Variants in HPS3 observed in about 807,000 individuals in gnomAD.
HPS3 encodes BLOC-2 complex member HPS3.
Under a neutral mutation model 110.9 loss-of-function variants are expected in HPS3, and 79 were observed. The ratio of observed to expected loss-of-function variants is 0.71; its 90% CI spans 0.59 to 0.86. The LOEUF (loss-of-function observed/expected upper bound fraction) is 0.86. Among genes scored for constraint, HPS3 ranks in the 40% least tolerant of loss-of-function variants. The pLI, the probability that HPS3 is intolerant of heterozygous loss-of-function variation, is 0.00. For synonymous variants in HPS3, 428 were observed against 451.0 expected (o/e 0.95, Z 0.65); for missense variants, 1,197 against 1,206.2 (o/e 0.99, Z 0.11).
chr3:149,150,556 T>G (rs1723036967), intron 5 of HPS3, 43 bp from the exon 6 acceptor site: 2 of 1,538,104 alleles, frequency 1.3e-6, no homozygotes, highest in Admixed American at 1.7e-5. Context: ...GTATGTTGGT[T>G]CTTGGCCTCA....
Position 149,140,225 on chromosome 3 carries a change from G to C in HPS3, c.439G>C (p.Asp147His), listed in dbSNP as rs756254897. ...CATTTCCTGTTGCCCTGTGAAAGGA[G>C]ACCTTCTCGTTGGCTGCACAAATAA... is the stretch of plus-strand genomic sequence containing the variant. ...LCISCCPVKG[D>H]LLVGCTNKLV... Residue 147 changes from aspartate to histidine, a missense_variant, in exon 2 of 17, where the codon GAC becomes CAC. Coordinates refer to ENST00000296051, the MANE Select transcript of HPS3 (RefSeq NM_032383.5). The C allele has an allele frequency of 6.2e-7, 1 of 1,614,178 alleles. No individual in the cohort carries two copies. The highest frequency in any genetic ancestry group is 1.1e-5 in the South Asian group (1 of 91,074).
chr3:149,152,891 CTGGCTCCTCTAGTTTACCTGACA>C (rs1169174841), intron 6 of HPS3, among the ~76,000 whole-genome samples: 1 of 152,196 alleles, frequency 6.6e-6, no homozygotes, highest in African/African-American at 2.4e-5. Context: ...GAGCAAAAGG[CTGGCTCCTCTAGTTTACCTGACA>C]TGTCCCAGCC....
rs114029765 is a variant in HPS3 at position 149,141,387 on chromosome 3, A to G, written c.970+7A>G. On this transcript the variant is annotated splice_region_variant and intron_variant, in intron 4 of 16. Transcript: ENST00000296051. Reference sequence around the variant, plus strand: ...CTACCCATTTACCAGACCGGTAAGCATGACAGTGCAGGAGTGCGACAGTGC... The same window carrying G: ...CTACCCATTTACCAGACCGGTAAGCGTGACAGTGCAGGAGTGCGACAGTGC... 0.038 allele frequency: 60,579 copies of G among 1,606,870 alleles called. 1,367 individuals are homozygous for G. Among genetic ancestry groups the G allele is most frequent in the Middle Eastern group, 0.072 (434 of 6,054 alleles).
chr3:149,137,216 A>G (rs1213911670), intron 1 of HPS3, among the ~76,000 whole-genome samples: 1 of 152,218 alleles, frequency 6.6e-6, no homozygotes, highest in Non-Finnish European at 1.5e-5. Context: ...AAAAAACATA[A>G]GAAAAGATGC....
At chr3:149,154,950 A>C (rs879468648) in intron 7 of HPS3, among the ~76,000 whole-genome samples, 157 bp from the exon 8 acceptor site, 8 of 152,256 alleles carry the variant, frequency 5.3e-5, no homozygotes, top group Admixed American at 5.2e-4. Flanking sequence ...AGTATTGTGA[A>C]CTAATATTCC....
chr3:149,139,464 C>T (rs16861514), intron 1 of HPS3, among the ~76,000 whole-genome samples: 25,236 of 152,096 alleles, frequency 0.17, 2,174 homozygotes, highest in African/African-American at 0.19. Context: ...TTTGACTTCC[C>T]ACAACCAATA....
chr3:149,162,124 C>T (rs769313256), intron 11 of HPS3, 24 bp from the exon 12 acceptor site: 1 of 1,598,230 alleles, frequency 6.3e-7, no homozygotes, highest in South Asian at 1.1e-5. Context: ...ACCTTTTGTT[C>T]CTAAATTTCT....
At position 149,129,653 on chromosome 3, in the gene HPS3, T is replaced by G; in HGVS notation, c.-71T>G. 2.5e-6 allele frequency: 3 copies of G among 1,212,966 alleles called. No individual in the cohort carries two copies. Among genetic ancestry groups the G allele is most frequent in the Non-Finnish European group, 3.3e-6 (3 of 898,884 alleles). The allele number at this position is 1,212,966 out of a possible 1,614,324, so 75.1% of individuals were successfully genotyped here. A position where few individuals can be genotyped will look rare whatever the true frequency, so the allele number is the denominator to read the frequency against. On this transcript the variant is annotated 5_prime_UTR_variant, in exon 1 of 17. Coordinates refer to ENST00000296051, the MANE Select transcript of HPS3 (RefSeq NM_032383.5). ...GCTCGCTCGCGGAAGTAGTCCTACATTCGCGGTCAGCGCGGGGTCTCCGGG... is the reference window on the plus strand; with the variant it reads ...GCTCGCTCGCGGAAGTAGTCCTACAGTCGCGGTCAGCGCGGGGTCTCCGGG...
At chr3:149,141,519 GTTTTTTTTTTTGT>G (rs1367023606) in intron 4 of HPS3, 139 bp downstream of exon 4, 3 of 392,312 alleles carry the variant, frequency 7.6e-6, no homozygotes, top group Middle Eastern at 7.3e-4. Flanking sequence ...CTTTAACAAA[GTTTTTTTTTTTGT>G]TTTTTTTTTT....
At chr3:149,157,035 C>G (rs1216549380) in intron 8 of HPS3, among the ~76,000 whole-genome samples, 1 of 152,112 alleles carries the variant, frequency 6.6e-6, no homozygotes, top group East Asian at 1.9e-4. Flanking sequence ...GTTCACTAGT[C>G]TTACTGAGAT....
At chr3:149,143,090 A>G (rs1722581192) in intron 4 of HPS3, among the ~76,000 whole-genome samples, 1 of 152,210 alleles carries the variant, frequency 6.6e-6, no homozygotes, top group Non-Finnish European at 1.5e-5. Context: ...GAGACCAGAC[A>G]GGGCCAATAG....
chr3:149,141,474 T>A, intron 4 of HPS3, 94 bp downstream of exon 4: 1 of 1,023,598 alleles, frequency 9.8e-7, no homozygotes, highest in Non-Finnish European at 1.5e-6. Flanking sequence ...ATAGGTTTGG[T>A]GGTTTGGTTC....
intron 8 of HPS3, among the ~76,000 whole-genome samples, chr3:149,156,550 A>G (rs562068193): frequency 6.7e-6 from 1 of 149,260 alleles, no homozygotes; most frequent in African/African-American, 2.5e-5. Flanking sequence ...TTTTTTTTTG[A>G]GAGTATTCCT....
intron 6 of HPS3, among the ~76,000 whole-genome samples, chr3:149,151,051 A>G (rs1286528381): frequency 1.3e-5 from 2 of 151,974 alleles, no homozygotes; most frequent in Admixed American, 1.3e-4. Context: ...TCTGTCACCC[A>G]GGCTGGAGGG....
At chr3:149,158,289 C>G (rs911415811) in intron 9 of HPS3, among the ~76,000 whole-genome samples, 1 of 152,150 alleles carries the variant, frequency 6.6e-6, no homozygotes, top group Non-Finnish European at 1.5e-5. Context: ...AGAGTCCGAT[C>G]ATGAATATTA....
At chr3:149,168,068 T>TCC (rs1724610332) in intron 16 of HPS3, 85 bp downstream of exon 16, 3 of 803,974 alleles carry the variant, frequency 3.7e-6, no homozygotes, top group Admixed American at 3.8e-5. Flanking sequence ...TTTCATGTGA[T>TCC]TCTCAAGTGA....
At chr3:149,165,594 G>A (rs1422246548) in intron 14 of HPS3, among the ~76,000 whole-genome samples, 2 of 151,952 alleles carry the variant, frequency 1.3e-5, no homozygotes, top group East Asian at 1.9e-4. Context: ...CTCCCACCTC[G>A]GGTTCCCAAA....
chr3:149,165,846 A>G, intron 14 of HPS3: 2 of 362,472 alleles, frequency 5.5e-6, no homozygotes, highest in South Asian at 4.3e-5. Context: ...AGACCTTTTG[A>G]GTGAGAGATT....
rs376356675 is a variant in HPS3 at position 149,160,282 on chromosome 3, A to G, written c.2106+3A>G. 3.3e-5 allele frequency: 52 copies of G among 1,589,832 alleles called. No individual in the cohort carries two copies. The highest frequency in any genetic ancestry group is 4.4e-5 in the Non-Finnish European group (51 of 1,158,056). On this transcript the variant is annotated splice_donor_region_variant and intron_variant, in intron 11 of 16. Coordinates refer to ENST00000296051, the MANE Select transcript of HPS3 (RefSeq NM_032383.5). ...ATGAAATGAAAAGCCATTCAGAGGTATGGAGCTCTGCCCGGTGCTAACAGA... is the reference window on the plus strand; with the variant it reads ...ATGAAATGAAAAGCCATTCAGAGGTGTGGAGCTCTGCCCGGTGCTAACAGA...
Sources: allele counts gnomAD v4.1 joint callset (sites outside exome capture counted in the v4.1 genomes callset), GRCh38; gene constraint gnomAD v4.1.1; transcripts MANE v1.5; gene names NCBI Gene and HGNC (gene_info 2026-07-23, HGNC 2026-07-21).